Variants in PPP4R4 observed in about 807,000 individuals in gnomAD.
PPP4R4 encodes serine/threonine-protein phosphatase 4 regulatory subunit 4.
A neutral mutation model predicts 121.8 loss-of-function variants in PPP4R4; 70 were observed. The observed-to-expected ratio is 0.57, with a 90% CI of 0.47 to 0.70. The LOEUF (loss-of-function observed/expected upper bound fraction) is 0.70. Ranked by LOEUF, PPP4R4 falls within the 30% of genes least tolerant of loss-of-function variation. PPP4R4 has a pLI of 0.00. For synonymous variants in PPP4R4, 348 were observed against 355.7 expected (o/e 0.98, Z 0.24); for missense variants, 875 against 1,033.6 (o/e 0.85, Z 2.10).
intron 16 of PPP4R4, among the ~76,000 whole-genome samples, chr14:94,254,655 A>G (rs2139608578): frequency 6.6e-6 from 1 of 152,332 alleles, no homozygotes; most frequent in Middle Eastern, 3.4e-3. Context: ...CAAGGTTGCA[A>G]TAAAAATAAA....
chr14:94,197,245 G>T (rs1217836272), intron 2 of PPP4R4, among the ~76,000 whole-genome samples: 1 of 152,072 alleles, frequency 6.6e-6, no homozygotes, highest in Non-Finnish European at 1.5e-5. Flanking sequence ...AGACTGCTTG[G>T]TCCTCTCAGA....
intron 17 of PPP4R4, among the ~76,000 whole-genome samples, chr14:94,258,456 A>G (rs1201835850): frequency 6.6e-6 from 1 of 152,234 alleles, no homozygotes; most frequent in Non-Finnish European, 1.5e-5. Context: ...AAGCTACATT[A>G]TGTTTCTGAA....
At chr14:94,273,350 A>G (rs546839613) in intron 23 of PPP4R4, among the ~76,000 whole-genome samples, 11 of 152,304 alleles carry the variant, frequency 7.2e-5, no homozygotes, top group African/African-American at 2.6e-4. Flanking sequence ...CCTTAAATAC[A>G]TACTACTAAG....
chr14:94,182,438 C>G (rs1381131237), intron 2 of PPP4R4, among the ~76,000 whole-genome samples: 2 of 152,128 alleles, frequency 1.3e-5, no homozygotes, highest in Admixed American at 6.5e-5. Flanking sequence ...GTGCCCTGTA[C>G]TTCCTGCAAA....
At chr14:94,267,095 A>T (rs1894091151) in intron 23 of PPP4R4, 66 bp downstream of exon 23, 1 of 1,116,448 alleles carries the variant, frequency 9.0e-7, no homozygotes, top group Non-Finnish European at 1.3e-6. Context: ...TCCTTAAATG[A>T]CCTATTTCTT....
rs1395557288 is a variant in PPP4R4 at position 94,275,524 on chromosome 14, A to G, written c.2597+3A>G. ...ACACAACCACGGAAGGCTACCTTGT[A>G]AGTAATCAAGTGATGTCAGACTGAG... On this transcript the variant is annotated splice_donor_region_variant and intron_variant, in intron 24 of 24. Coordinates refer to ENST00000304338, the MANE Select transcript of PPP4R4 (RefSeq NM_058237.2). 6.2e-7 allele frequency: 1 copy of G among 1,613,880 alleles called. No individual in the cohort carries two copies. The highest frequency in any genetic ancestry group is 1.7e-5 in the Admixed American group (1 of 60,016).
intron 15 of PPP4R4, among the ~76,000 whole-genome samples, 158 bp from the exon 16 acceptor site, chr14:94,251,591 G>C (rs1566690752): frequency 6.6e-6 from 1 of 152,046 alleles, no homozygotes; most frequent in Non-Finnish European, 1.5e-5. Flanking sequence ...TTACAAACCT[G>C]AGGTATATAA....
intron 24 of PPP4R4, among the ~76,000 whole-genome samples, chr14:94,277,183 C>G (rs1015126219): frequency 1.3e-5 from 2 of 152,138 alleles, no homozygotes; most frequent in African/African-American, 2.4e-5. Flanking sequence ...TGCCTGTAAT[C>G]CCAGCTACTC....
At chr14:94,240,309 AG>A (rs879756566) in intron 8 of PPP4R4, among the ~76,000 whole-genome samples, 12 of 152,176 alleles carry the variant, frequency 7.9e-5, no homozygotes, top group Non-Finnish European at 1.3e-4. Context: ...GAATAAGAAA[AG>A]TTTCCTTTGC....
intron 2 of PPP4R4, among the ~76,000 whole-genome samples, chr14:94,177,050 A>C (rs1029053062): frequency 6.6e-6 from 1 of 151,896 alleles, no homozygotes; most frequent in Non-Finnish European, 1.5e-5. Context: ...TTCCAGTCCC[A>C]TGTTACTCAT....
At chr14:94,191,385 G>A (rs540393454) in intron 2 of PPP4R4, among the ~76,000 whole-genome samples, 1 of 152,130 alleles carries the variant, frequency 6.6e-6, no homozygotes, top group East Asian at 1.9e-4. Context: ...TGTAGTAATT[G>A]TATGTATTTA....
intron 24 of PPP4R4, 124 bp downstream of exon 24, chr14:94,275,645 T>G (rs1894597557): frequency 3.6e-6 from 4 of 1,106,638 alleles, no homozygotes; most frequent in Non-Finnish European, 5.2e-6. Context: ...TGTTATAAAT[T>G]AAAGGGTATT....
chr14:94,177,032 A>C (rs1888715896), intron 2 of PPP4R4, among the ~76,000 whole-genome samples: 1 of 152,054 alleles, frequency 6.6e-6, no homozygotes, highest in Non-Finnish European at 1.5e-5. Flanking sequence ...TCTTGTTTAC[A>C]GATCATGTTC....
chr14:94,270,784 G>A (rs1894279975), intron 23 of PPP4R4, among the ~76,000 whole-genome samples: 1 of 151,952 alleles, frequency 6.6e-6, no homozygotes, highest in South Asian at 2.1e-4. Context: ...TGGGTGTGGT[G>A]GTGTGCACCT....
At chr14:94,252,232 G>A (rs900632427) in intron 16 of PPP4R4, among the ~76,000 whole-genome samples, 1 of 152,074 alleles carries the variant, frequency 6.6e-6, no homozygotes, top group African/African-American at 2.4e-5. Context: ...AAGAAAAGAC[G>A]GTCAGTAGCC....
At chr14:94,195,417 T>C (rs1030959355) in intron 2 of PPP4R4, among the ~76,000 whole-genome samples, 1 of 152,206 alleles carries the variant, frequency 6.6e-6, no homozygotes, top group Non-Finnish European at 1.5e-5. Flanking sequence ...CCAACCTGTA[T>C]ACATTTTCTT....
At chr14:94,189,775 A>G (rs563553220) in intron 2 of PPP4R4, among the ~76,000 whole-genome samples, 239 of 152,238 alleles carry the variant, frequency 1.6e-3, no homozygotes, top group Middle Eastern at 0.01. Flanking sequence ...CCATCTTTCT[A>G]TATCATACTG....
At chr14:94,237,248 C>A (rs1399209838) in intron 7 of PPP4R4, among the ~76,000 whole-genome samples, 1 of 151,998 alleles carries the variant, frequency 6.6e-6, no homozygotes, top group East Asian at 1.9e-4. Flanking sequence ...CAGATTTTTG[C>A]TGAAGTTGCT....
intron 3 of PPP4R4, among the ~76,000 whole-genome samples, chr14:94,209,124 A>C (rs1890610979): frequency 6.6e-6 from 1 of 151,866 alleles, no homozygotes; most frequent in Non-Finnish European, 1.5e-5. Context: ...TTTATTGATT[A>C]TTAATATAAA....
Sources: gnomAD v4.1 joint callset for allele counts (sites outside exome capture counted in the v4.1 genomes callset) on GRCh38, gnomAD v4.1.1 for gene constraint, MANE v1.5 for transcripts, NCBI Gene and HGNC (gene_info 2026-07-23, HGNC 2026-07-21) for gene names.